Variants in MAP4K3 observed in about 807,000 individuals in gnomAD.
MAP4K3 encodes mitogen-activated protein kinase kinase kinase kinase 3.
Under a neutral mutation model 143.5 loss-of-function variants are expected in MAP4K3, and 94 were observed. The ratio of observed to expected loss-of-function variants is 0.65; its 90% CI spans 0.55 to 0.78. The LOEUF (loss-of-function observed/expected upper bound fraction) is 0.78. Among genes scored for constraint, MAP4K3 ranks in the 30% least tolerant of loss-of-function variants. MAP4K3 has a pLI of 0.00. For synonymous variants in MAP4K3, 416 were observed against 347.2 expected, an observed-to-expected ratio of 1.20 and a Z score of -2.20; for missense variants, 1,077 against 1,068.1, an observed-to-expected ratio of 1.01 and a Z score of -0.12.
At chr2:39,419,692 T>A (rs1667492921) in intron 1 of MAP4K3, among the ~76,000 whole-genome samples, 1 of 152,144 alleles carries the variant, frequency 6.6e-6, no homozygotes, top group African/African-American at 2.4e-5. Flanking sequence ...TGAATTAACA[T>A]CACAGCACTA....
At chr2:39,334,347 G>C (rs1345775895) in intron 6 of MAP4K3, among the ~76,000 whole-genome samples, 1 of 152,112 alleles carries the variant, frequency 6.6e-6, no homozygotes, top group African/African-American at 2.4e-5. Context: ...AATCATGTAA[G>C]TATGGGTTTG....
At chr2:39,316,820 C>A (rs560685206) in intron 12 of MAP4K3, among the ~76,000 whole-genome samples, 1 of 151,956 alleles carries the variant, frequency 6.6e-6, no homozygotes, top group Non-Finnish European at 1.5e-5. Flanking sequence ...AAAAGTTGCC[C>A]TTCTAAGAAA....
At chr2:39,367,887 T>C (rs1005736076) in intron 2 of MAP4K3, among the ~76,000 whole-genome samples, 3 of 152,242 alleles carry the variant, frequency 2.0e-5, no homozygotes, top group African/African-American at 7.2e-5. Context: ...TTAAGATTTT[T>C]TTCATCCCAA....
chr2:39,359,285 C>T (rs111301508), intron 2 of MAP4K3, among the ~76,000 whole-genome samples: 56 of 151,994 alleles, frequency 3.7e-4, no homozygotes, highest in Admixed American at 1.3e-4. Flanking sequence ...GTCATTAAAT[C>T]TTAAAGTTCC....
intron 32 of MAP4K3, among the ~76,000 whole-genome samples, chr2:39,253,587 G>C (rs1680232556): frequency 6.6e-6 from 1 of 152,226 alleles, no homozygotes; most frequent in African/African-American, 2.4e-5. Context: ...CTACTAACTA[G>C]CTGAACTTGA....
In MAP4K3 at chr2:39,260,644, A is replaced by T; in HGVS notation, c.2270T>A (p.Val757Asp). The T allele has an allele frequency of 6.2e-7, 1 of 1,614,122 alleles. No homozygotes were observed. The highest frequency in any genetic ancestry group is 1.7e-5 in the Admixed American group (1 of 60,030). ...DFNQVVRFET[V>D]NPNSTSSWFT... The stretch of plus-strand genomic sequence containing the variant: ...CCATGAAGAGGTAGAATTTGGATTG[A>T]CCGTCTCAAATCGAACCACTTGGTT... The change falls in exon 29 of 34, where the codon GTC becomes GAC. Residue 757 changes from valine (V) to aspartate (D), a missense_variant. Val to Asp is a radical substitution (Grantham distance 152). Coordinates refer to ENST00000263881, the MANE Select transcript of MAP4K3 (RefSeq NM_003618.4).
In MAP4K3 at chr2:39,422,669, G is replaced by A. The variant is rs1057340381; in HGVS notation, c.96+14223C>T. 4.6e-5 allele frequency among the ~76,000 whole-genome samples: 7 copies of A among 152,080 alleles called. No homozygotes were observed. The East Asian group carries it at 9.6e-4, about 21-fold the overall frequency. ...AAAGGTGATCCAATGGGAAAAGGAC[G>A]GTCTTTTCAACAAATAGTACTGGAA... On this transcript the variant is annotated intron_variant, in intron 1 of 33. Transcript: ENST00000263881.
intron 1 of MAP4K3, among the ~76,000 whole-genome samples, chr2:39,423,419 T>G (rs1301628738): frequency 6.6e-6 from 1 of 152,206 alleles, no homozygotes; most frequent in African/African-American, 2.4e-5. Context: ...CTCTTTGGTA[T>G]TTGCCCAAAT....
Position 39,437,000 on chromosome 2 carries a change from G to C in MAP4K3, c.-13C>G, listed in dbSNP as rs759119430. 6.2e-7 allele frequency: 1 copy of C among 1,606,470 alleles called. No homozygotes were observed. Among genetic ancestry groups the C allele is most frequent in the African/African-American group, 1.3e-5 (1 of 74,554 alleles). The stretch of plus-strand genomic sequence containing the variant: ...AGCCGGGGTTCATGGCGGGCCCCAG[G>C]TGCCCCCCGCCTCCCTCCCGGGCAG... On this transcript the variant is annotated 5_prime_UTR_variant, in exon 1 of 34. Coordinates refer to ENST00000263881, the MANE Select transcript of MAP4K3 (RefSeq NM_003618.4).
rs746957422 is a variant in MAP4K3, at chr2:39,394,519, C to A, written c.97-16396G>T. Among the ~76,000 whole-genome samples, 33 of 152,126 alleles carry A rather than the reference C, an allele frequency of 2.2e-4. 1 individual carries two copies. Among genetic ancestry groups the A allele is most frequent in the Non-Finnish European group, 3.8e-4 (26 of 68,014 alleles). On this transcript the variant is annotated intron_variant, in intron 1 of 33. Transcript: ENST00000263881. Reference sequence around the variant, plus strand: ...TTCCAAGAATAAATAGCTATGTTTTCTGTTGTGCTTTTAATCCAGAGGTGT... The same window carrying A: ...TTCCAAGAATAAATAGCTATGTTTTATGTTGTGCTTTTAATCCAGAGGTGT...
rs1377557621 is a variant in MAP4K3, at chr2:39,249,323, C to G, written c.*1295G>C. On this transcript the variant is annotated 3_prime_UTR_variant, in exon 34 of 34. Coordinates refer to ENST00000263881, the MANE Select transcript of MAP4K3 (RefSeq NM_003618.4). ...ATTTTACAATATGTACAATCAGGAACATATTTTAAAACCATTATCATTAAA... is the reference window on the plus strand; with the variant it reads ...ATTTTACAATATGTACAATCAGGAAGATATTTTAAAACCATTATCATTAAA... 2 of 152,516 alleles carry G rather than the reference C, an allele frequency of 1.3e-5. No individual in the cohort carries two copies. 9.4% of individuals were successfully genotyped at this position (152,516 alleles called of 1,614,324 possible).
In MAP4K3 at chr2:39,307,753, T is replaced by C. The variant is rs369044568; in HGVS notation, c.1119+190A>G. ...TACAAGCATGTTTATTACTACAGCA[T>C]TATATTTGAGTAGATATATATATGT... On this transcript the variant is annotated intron_variant, in intron 15 of 33. Coordinates refer to ENST00000263881, the MANE Select transcript of MAP4K3 (RefSeq NM_003618.4). Among the ~76,000 whole-genome samples, 405 of 152,136 alleles carry C rather than the reference T, an allele frequency of 2.7e-3. 2 individuals carry two copies. The highest frequency in any genetic ancestry group is 8.9e-3 in the African/African-American group (369 of 41,550).
At chr2:39,280,170 T>A (rs1444846696) in intron 23 of MAP4K3, 102 bp downstream of exon 23, 2 of 651,430 alleles carry the variant, frequency 3.1e-6, no homozygotes, top group Non-Finnish European at 5.0e-6. Context: ...AAAACTTTTT[T>A]TCCCCAGAAA....
At chr2:39,394,101 C>T (rs962447966) in intron 1 of MAP4K3, among the ~76,000 whole-genome samples, 2 of 152,180 alleles carry the variant, frequency 1.3e-5, no homozygotes, top group Admixed American at 6.5e-5. Context: ...TTTTGTTATG[C>T]TTTATAAAAA....
intron 6 of MAP4K3, among the ~76,000 whole-genome samples, chr2:39,334,053 G>C (rs1348373786): frequency 6.6e-6 from 1 of 151,496 alleles, no homozygotes; most frequent in Non-Finnish European, 1.5e-5. Flanking sequence ...ACCAGGGTTG[G>C]TATGTGAGAC....
chr2:39,264,295 T>C (rs1027191235), intron 28 of MAP4K3, among the ~76,000 whole-genome samples: 1 of 152,236 alleles, frequency 6.6e-6, no homozygotes, highest in African/African-American at 2.4e-5. Flanking sequence ...GCTTTCAGTT[T>C]AAATAATTTT....
Position 39,299,733 on chromosome 2 carries a change from C to T in MAP4K3, c.1178+10G>A. On this transcript the variant is annotated intron_variant, in intron 16 of 33. Coordinates refer to ENST00000263881, the MANE Select transcript of MAP4K3 (RefSeq NM_003618.4). Reference sequence around the variant, plus strand: ...GAATTTAAATTAAGTTTTAAAAGAACTTTACTTACTTGTTTGCACCTAAAA... The same window carrying T: ...GAATTTAAATTAAGTTTTAAAAGAATTTTACTTACTTGTTTGCACCTAAAA... 6.6e-7 allele frequency: 1 copy of T among 1,519,146 alleles called. No homozygotes were observed. The highest frequency in any genetic ancestry group is 8.9e-7 in the Non-Finnish European group (1 of 1,122,880). 94.1% of individuals were successfully genotyped at this position (1,519,146 alleles called of 1,614,324 possible).
intron 16 of MAP4K3, among the ~76,000 whole-genome samples, chr2:39,298,981 AAG>A (rs1491194102): frequency 6.6e-6 from 1 of 151,730 alleles, no homozygotes; most frequent in African/African-American, 2.4e-5. Flanking sequence ...AAAAAAAAAA[AAG>A]GAATTTTAAC....
intron 28 of MAP4K3, among the ~76,000 whole-genome samples, chr2:39,262,738 C>T (rs905313794): frequency 1.3e-4 from 20 of 152,122 alleles, no homozygotes; most frequent in South Asian, 2.1e-4. Context: ...GTAAATAACA[C>T]GGTGCCTTGC....
Sources: allele counts gnomAD v4.1 joint callset (sites outside exome capture counted in the v4.1 genomes callset), GRCh38; gene constraint gnomAD v4.1.1; transcripts MANE v1.5; gene names NCBI Gene and HGNC (gene_info 2026-07-23, HGNC 2026-07-21).